Variants in MTHFD2 observed in about 807,000 individuals in gnomAD.
The protein encoded by MTHFD2 is methylenetetrahydrofolate dehydrogenase (NADP+ dependent) 2, methenyltetrahydrofolate cyclohydrolase.
A neutral mutation model predicts 36.8 loss-of-function variants in MTHFD2; 26 were observed. The ratio of observed to expected loss-of-function variants is 0.71; its 90% CI spans 0.52 to 0.98. The LOEUF (loss-of-function observed/expected upper bound fraction) is 0.98, where lower values mean the gene tolerates loss of function less well. MTHFD2 is among the 50% of genes least tolerant of loss of function. The pLI, the probability that MTHFD2 is intolerant of heterozygous loss-of-function variation, is 0.00. For missense variants in MTHFD2, 373 were observed against 434.0 expected (o/e 0.86, Z 1.25); for synonymous variants, 164 against 155.2 (o/e 1.06, Z -0.42).
chr2:74,201,725 G>A (rs1033772979), intron 1 of MTHFD2, among the ~76,000 whole-genome samples: 3 of 152,180 alleles, frequency 2.0e-5, no homozygotes, highest in Admixed American at 6.5e-5. Context: ...TGGATTCCCC[G>A]TGGGACTTAG....
chr2:74,216,391 A>G lies in MTHFD2; in HGVS notation c.*2149A>G, dbSNP rs1285435223. 6.6e-6 allele frequency: 1 copy of G among 152,234 alleles called. No homozygotes were observed. Among genetic ancestry groups the G allele is most frequent in the African/African-American group, 2.4e-5 (1 of 41,466 alleles). The allele number at this position is 152,234 out of a possible 1,614,324, so 9.4% of individuals were successfully genotyped here. The stretch of plus-strand genomic sequence containing the variant: ...ACAAAATATAAATGACATGTAAGGT[A>G]AAATTACAGTGATCAATTTACAACA... On this transcript the variant is annotated 3_prime_UTR_variant, in exon 8 of 8. Transcript: ENST00000394053.
At position 74,214,929 on chromosome 2, in the gene MTHFD2, T is replaced by C. The variant is rs1694398824; in HGVS notation, c.*687T>C. The C allele has an allele frequency of 6.6e-6, 1 of 152,554 alleles. No individual in the cohort carries two copies. The highest frequency in any genetic ancestry group is 2.4e-5 in the African/African-American group (1 of 41,470). 9.5% of individuals were successfully genotyped at this position (152,554 alleles called of 1,614,324 possible). On this transcript the variant is annotated 3_prime_UTR_variant, in exon 8 of 8. Transcript: ENST00000394053. ...CAGTAAGTTCTCCCCATTTTAGTTT[T>C]CTAGGACTGAAAGGATTCTTTTCTA...
At chr2:74,200,457 C>T (rs776073319) in intron 1 of MTHFD2, among the ~76,000 whole-genome samples, 1 of 151,732 alleles carries the variant, frequency 6.6e-6, no homozygotes, top group Non-Finnish European at 1.5e-5. Flanking sequence ...TGCTTTCTTA[C>T]TGCTGCTTAT....
Position 74,207,965 on chromosome 2 carries a change from A to G in MTHFD2, c.409+139A>G, listed in dbSNP as rs1040610233. The G allele has an allele frequency of 1.8e-5, 16 of 897,188 alleles. No individual in the cohort carries two copies. In the Admixed American group the frequency reaches 2.4e-4, roughly 14 times the overall value. The allele number at this position is 897,188 out of a possible 1,614,324, so 55.6% of individuals were successfully genotyped here. ...ACTCTGTCACCCAGGCTAGAGTGCAATGGTACAATCATAGCTCATTGCATG... is the reference window on the plus strand; with the variant it reads ...ACTCTGTCACCCAGGCTAGAGTGCAGTGGTACAATCATAGCTCATTGCATG... On this transcript the variant is annotated intron_variant, in intron 3 of 7. Coordinates refer to ENST00000394053, the MANE Select transcript of MTHFD2 (RefSeq NM_006636.4).
intron 1 of MTHFD2, among the ~76,000 whole-genome samples, chr2:74,199,597 C>G (rs1216326899): frequency 2.6e-5 from 4 of 151,840 alleles, no homozygotes; most frequent in Admixed American, 6.6e-5. Flanking sequence ...CGTGGTGACA[C>G]GCGCCGAGGC....
rs746393335 is a variant in MTHFD2, at chr2:74,211,711, T to TAA, written c.764-29_764-28dup. On this transcript the variant is annotated intron_variant, in intron 6 of 7. Transcript: ENST00000394053. ...CTGACAGGTAGACTGTTTTCAGTAC[T>TAA]AAGTTGATCTTTCCTTTCTCCATTT... 7 of 1,593,670 alleles carry TAA rather than the reference T, an allele frequency of 4.4e-6. 1 individual carries two copies. In the Admixed American group the frequency reaches 1.2e-4, roughly 27 times the overall value.
intron 1 of MTHFD2, among the ~76,000 whole-genome samples, chr2:74,203,928 T>TAGTTTAGTTTAGTTTAGTTTAG (rs1463652033): frequency 4.1e-5 from 6 of 145,702 alleles, no homozygotes; most frequent in African/African-American, 1.5e-4. Context: ...TAGTTTAGTT[T>TAGTTTAGTTTAGTTTAGTTTAG]TTTGAGATGC....
Position 74,198,651 on chromosome 2 carries a change from A to G in MTHFD2, c.10A>G (p.Thr4Ala), listed in dbSNP as rs780949855. MAA[T>A]SLMSALAARL... ...GTCACCGGCGCGGTCTATGGCTGCG[A>G]CTTCTCTAATGTCTGCTTTGGCTGC... is the stretch of plus-strand genomic sequence containing the variant. Residue 4 changes from threonine to alanine, a missense_variant, in exon 1 of 8, where the codon ACT becomes GCT. Physicochemically the swap from Thr to Ala is moderately conservative, Grantham distance 58. This residue lies in a region of MTHFD2 where 65 missense variants were observed against 36.1 expected (regional missense o/e 1.80). Coordinates refer to ENST00000394053, the MANE Select transcript of MTHFD2 (RefSeq NM_006636.4). 10 of 1,608,660 alleles carry G rather than the reference A, an allele frequency of 6.2e-6. No homozygotes were observed. The South Asian group carries it at 6.6e-5, about 11-fold the overall frequency.
chr2:74,206,060 G>C (rs1264683652), intron 2 of MTHFD2, 171 bp downstream of exon 2: 22 of 624,814 alleles, frequency 3.5e-5, no homozygotes, highest in Non-Finnish European at 5.7e-5. Flanking sequence ...ATATCTTTCG[G>C]GGTTTATACA....
chr2:74,207,266 C>T (rs1441880276), intron 2 of MTHFD2, among the ~76,000 whole-genome samples: 1 of 152,232 alleles, frequency 6.6e-6, no homozygotes, highest in Middle Eastern at 3.4e-3. Context: ...GTAGCTGGGA[C>T]TACAGGCGCG....
intron 1 of MTHFD2, 68 bp from the exon 2 acceptor site, chr2:74,205,637 C>T: frequency 6.6e-7 from 1 of 1,525,484 alleles, no homozygotes; most frequent in Non-Finnish European, 8.9e-7. Flanking sequence ...AGCCACTACA[C>T]CTGGCAGAGT....
chr2:74,213,320 A>G (rs540126681), intron 7 of MTHFD2, among the ~76,000 whole-genome samples: 8 of 113,174 alleles, frequency 7.1e-5, no homozygotes, highest in Non-Finnish European at 1.1e-4. Context: ...TCTGTTGCCC[A>G]GGCTGGAGTA....
chr2:74,205,716 T>C lies in MTHFD2; in HGVS notation c.113T>C (p.Val38Ala). 6.2e-7 allele frequency: 1 copy of C among 1,613,784 alleles called. No homozygotes were observed. Among genetic ancestry groups the C allele is most frequent in the Non-Finnish European group, 8.5e-7 (1 of 1,179,954 alleles). ...FHLAAVRNEA[V>A]VISGRKLAQQ... ...GTTGCCTTCTGCAGAAATGAAGCTG[T>C]TGTCATTTCTGGAAGGAAACTGGCC... is the stretch of plus-strand genomic sequence containing the variant. The change falls in exon 2 of 8, where the codon GTT becomes GCT. Residue 38 changes from valine to alanine, a missense_variant. Around this residue, in one of 2 missense-constraint regions of MTHFD2, gnomAD observed 308 missense variants for 397.8 expected, o/e 0.77. Transcript: ENST00000394053.
Position 74,211,296 on chromosome 2 carries a change from G to A in MTHFD2, c.763+5G>A, listed in dbSNP as rs1694299469. 1.3e-6 allele frequency: 2 copies of A among 1,571,054 alleles called. No individual in the cohort carries two copies. Among genetic ancestry groups the A allele is most frequent in the East Asian group, 4.5e-5 (2 of 44,388 alleles). On this transcript the variant is annotated splice_donor_5th_base_variant and intron_variant, in intron 6 of 7. Coordinates refer to ENST00000394053, the MANE Select transcript of MTHFD2 (RefSeq NM_006636.4). ...ATATTGTAATATCTGCTGCAGGTAA[G>A]AACACAAGGGGGATGGAGGGAAGGA...
intron 1 of MTHFD2, among the ~76,000 whole-genome samples, chr2:74,203,282 A>AGG (rs1572983946): frequency 6.6e-6 from 1 of 152,356 alleles, no homozygotes; most frequent in East Asian, 1.9e-4. Flanking sequence ...CTAGGATTAC[A>AGG]GGCATGAGCC....
chr2:74,209,759 T>C (rs1694264391), intron 4 of MTHFD2, among the ~76,000 whole-genome samples, 183 bp from the exon 5 acceptor site: 1 of 152,160 alleles, frequency 6.6e-6, no homozygotes, highest in South Asian at 2.1e-4. Context: ...ACAGTGCACA[T>C]TCCTGTAACA....
chr2:74,212,173 T>TTTCC (rs1464646099), intron 7 of MTHFD2, among the ~76,000 whole-genome samples: 4 of 102,762 alleles, frequency 3.9e-5, no homozygotes, highest in Non-Finnish European at 8.0e-5. Context: ...TCCTTCTTTC[T>TTTCC]TTCCTTCCTT....
At chr2:74,214,004 G>A (rs1040017837) in intron 7 of MTHFD2, 75 bp from the exon 8 acceptor site, 52 of 1,456,564 alleles carry the variant, frequency 3.6e-5, no homozygotes, top group Non-Finnish European at 4.8e-5. Flanking sequence ...TTGCATGCTT[G>A]TTTAATAATA....
chr2:74,198,622 C>G lies in MTHFD2; in HGVS notation c.-20C>G, dbSNP rs539183572. ...GCCCGCGCGCGCGCTTCCCTCCCGGCGCAGTCACCGGCGCGGTCTATGGCT... is the reference window on the plus strand; with the variant it reads ...GCCCGCGCGCGCGCTTCCCTCCCGGGGCAGTCACCGGCGCGGTCTATGGCT... On this transcript the variant is annotated 5_prime_UTR_variant, in exon 1 of 8. Coordinates refer to ENST00000394053, the MANE Select transcript of MTHFD2 (RefSeq NM_006636.4). 1.3e-4 allele frequency: 206 copies of G among 1,585,540 alleles called. 1 individual carries two copies. Among genetic ancestry groups the G allele is most frequent in the Admixed American group, 5.9e-4 (34 of 57,510 alleles).
Sources: allele counts gnomAD v4.1 joint callset (sites outside exome capture counted in the v4.1 genomes callset), GRCh38; gene constraint gnomAD v4.1.1; regional missense constraint gnomAD v4.1.1; transcripts MANE v1.5; gene names NCBI Gene and HGNC (gene_info 2026-07-23, HGNC 2026-07-21).